ARID4A: variants seen among roughly 807,000 people sequenced by gnomAD.
ARID4A encodes the protein AT-rich interaction domain 4A, also known as AT-rich interactive domain-containing protein 4A.
Under a neutral mutation model 148.6 loss-of-function variants are expected in ARID4A, and 39 were observed. The observed-to-expected ratio is 0.26, with a 90% confidence interval of 0.20 to 0.34. ARID4A has a LOEUF of 0.34. Ranked by LOEUF, ARID4A falls within the 10% of genes least tolerant of loss-of-function variation. The probability of loss-of-function intolerance (pLI) is 1.00; values close to 1 mark genes in which losing one functional copy is unlikely to be tolerated. For missense variants in ARID4A, 1,265 were observed against 1,449.1 expected, an observed-to-expected ratio of 0.87 and a Z score of 2.06; for synonymous variants, 475 against 481.2, an observed-to-expected ratio of 0.99 and a Z score of 0.17.
Position 58,347,671 on chromosome 14 carries a change from C to T in ARID4A, c.1197C>T (p.Tyr399=), listed in dbSNP as rs752463940. 1.2e-6 allele frequency: 2 copies of T among 1,611,048 alleles called. No homozygotes were observed. Among genetic ancestry groups the T allele is most frequent in the African/African-American group, 2.7e-5 (2 of 74,878 alleles). ...GGTATCTCTATGGTTTTGAGGAGTACTGCCGTTCGGCAAATATTCAGTTCA... is the reference window on the plus strand; with the variant it reads ...GGTATCTCTATGGTTTTGAGGAGTATTGCCGTTCGGCAAATATTCAGTTCA... ...YRKYLYGFEE[Y]CRSANIQFRT... is the part of the protein sequence containing the mutation. The change falls in exon 15 of 24, where the codon TAC becomes TAT. Residue 399 remains tyrosine (Y), a synonymous_variant. Coordinates refer to ENST00000355431, the MANE Select transcript of ARID4A (RefSeq NM_002892.4).
intron 3 of ARID4A, among the ~76,000 whole-genome samples, chr14:58,303,002 C>T (rs2031307574): frequency 6.7e-6 from 1 of 148,390 alleles, no homozygotes; most frequent in Non-Finnish European, 1.5e-5. Flanking sequence ...TCTGAAATAA[C>T]TTTTTTTTTT....
intron 23 of ARID4A, among the ~76,000 whole-genome samples, chr14:58,371,632 A>C (rs761880743): frequency 8.5e-5 from 13 of 152,132 alleles, no homozygotes; most frequent in Non-Finnish European, 1.8e-4. Flanking sequence ...GAGGTTTAAG[A>C]GTTTTTGTCT....
chr14:58,339,682 CGTT>C (rs1050617973), intron 11 of ARID4A, among the ~76,000 whole-genome samples: 8 of 152,188 alleles, frequency 5.3e-5, no homozygotes, highest in Admixed American at 1.3e-4. Context: ...TCTGTTCTCA[CGTT>C]GTCATAAAGA....
At chr14:58,336,194 C>G (rs946078911) in intron 11 of ARID4A, among the ~76,000 whole-genome samples, 6 of 152,100 alleles carry the variant, frequency 3.9e-5, no homozygotes, top group African/African-American at 1.2e-4. Context: ...GTAATATTTA[C>G]TCAAGATTTA....
intron 17 of ARID4A, among the ~76,000 whole-genome samples, chr14:58,356,309 G>C (rs2034862914): frequency 6.6e-6 from 1 of 152,112 alleles, no homozygotes; most frequent in African/African-American, 2.4e-5. Flanking sequence ...GTTAGCCCTG[G>C]ATCAGGTACA....
Position 58,364,560 on chromosome 14 carries a change from A to T in ARID4A, c.2471A>T (p.Glu824Val). Residue 824 changes from glutamate (E) to valine (V), a missense_variant, in exon 20 of 24, where the codon GAA becomes GTA. Physicochemically the swap from Glu to Val is moderately radical, Grantham distance 121. Coordinates refer to ENST00000355431, the MANE Select transcript of ARID4A (RefSeq NM_002892.4). ...GAAGCAGGAAGTGAACCTCATATAG[A>T]AGCTCATAGTCTTGAATTGTCTTCA... ...QNEAGSEPHI[E>V]AHSLELSSLD... is the part of the protein sequence containing the mutation. The T allele has an allele frequency of 6.2e-7, 1 of 1,611,086 alleles. No individual in the cohort carries two copies. The highest frequency in any genetic ancestry group is 1.1e-5 in the South Asian group (1 of 90,078).
chr14:58,306,261 C>T, intron 5 of ARID4A, 149 bp downstream of exon 5: 1 of 532,206 alleles, frequency 1.9e-6, no homozygotes, highest in East Asian at 3.2e-5. Context: ...TCTAAGAATG[C>T]CCTGTAGGTA....
chr14:58,308,707 CA>C (rs998837957), intron 5 of ARID4A, among the ~76,000 whole-genome samples: 1 of 152,156 alleles, frequency 6.6e-6, no homozygotes. Context: ...ATTTTTCTTT[CA>C]GTGAGTACCT....
chr14:58,310,147 CATG>C (rs1266929611), intron 5 of ARID4A, among the ~76,000 whole-genome samples: 2 of 152,030 alleles, frequency 1.3e-5, no homozygotes, highest in Non-Finnish European at 2.9e-5. Context: ...TTAGTATTCC[CATG>C]ATATTTTCTT....
Position 58,351,226 on chromosome 14 carries a change from G to C in ARID4A, c.1558G>C (p.Gly520Arg), listed in dbSNP as rs1276498036. The change falls in exon 16 of 24, where the codon GGG becomes CGG. Residue 520 changes from glycine to arginine, a missense_variant. By Grantham distance (125) the Gly-to-Arg change is moderately radical. Around this residue, in one of 9 missense-constraint regions of ARID4A, gnomAD observed 205 missense variants for 196.9 expected, o/e 1.04. Coordinates refer to ENST00000355431, the MANE Select transcript of ARID4A (RefSeq NM_002892.4). ...GAAAAAAGAAAATGAGCTACTACTG[G>C]GGAGAAAAAATACACCAAAGCAAAA... is the stretch of plus-strand genomic sequence containing the variant. ...AEKKENELLL[G>R]RKNTPKQKEK... The C allele has an allele frequency of 1.6e-5, 25 of 1,612,578 alleles. No homozygotes were observed. The highest frequency in any genetic ancestry group is 2.1e-5 in the Non-Finnish European group (25 of 1,179,602).
intron 9 of ARID4A, 124 bp from the exon 10 acceptor site, chr14:58,329,404 A>G: frequency 1.5e-6 from 1 of 679,018 alleles, no homozygotes; most frequent in South Asian, 2.0e-5. Flanking sequence ...GGACTAAGAT[A>G]AAAACATTTT....
chr14:58,337,991 C>G (rs2033917242), intron 11 of ARID4A, among the ~76,000 whole-genome samples: 1 of 152,156 alleles, frequency 6.6e-6, no homozygotes, highest in South Asian at 2.1e-4. Context: ...TGATATGGGA[C>G]TTCTTATAGC....
At chr14:58,299,039 C>T (rs1442796305) in intron 1 of ARID4A, among the ~76,000 whole-genome samples, 2 of 152,198 alleles carry the variant, frequency 1.3e-5, no homozygotes, top group Admixed American at 6.5e-5. Context: ...TCCACCTCTG[C>T]GGAGTCCGTG....
intron 5 of ARID4A, among the ~76,000 whole-genome samples, chr14:58,306,857 C>T (rs368481487): frequency 6.6e-6 from 1 of 152,070 alleles, no homozygotes. Flanking sequence ...CCAGCCTGGG[C>T]GACAGAGTGA....
intron 11 of ARID4A, among the ~76,000 whole-genome samples, chr14:58,332,211 T>C (rs2033570247): frequency 6.6e-6 from 1 of 152,116 alleles, no homozygotes; most frequent in Non-Finnish European, 1.5e-5. Flanking sequence ...ACCTATTGTT[T>C]GCAGGTAATA....
chr14:58,359,742 G>A (rs373385569), intron 18 of ARID4A, among the ~76,000 whole-genome samples: 1 of 152,000 alleles, frequency 6.6e-6, no homozygotes, highest in African/African-American at 2.4e-5. Context: ...ATGCATATAC[G>A]ATATTGTGTT....
intron 7 of ARID4A, among the ~76,000 whole-genome samples, chr14:58,321,061 A>G (rs1360382900): frequency 6.6e-6 from 1 of 152,208 alleles, no homozygotes; most frequent in African/African-American, 2.4e-5. Flanking sequence ...AAGTATTATC[A>G]GTTTGTCCCA....
intron 11 of ARID4A, among the ~76,000 whole-genome samples, chr14:58,337,246 T>TTTTATATATATATATATATATATATA (rs1555361740): frequency 6.0e-5 from 5 of 83,816 alleles, no homozygotes; most frequent in Admixed American, 1.4e-4. Flanking sequence ...TTCTCTTTAT[T>TTTTATATATATATATATATATATATA]TATATATATA....
chr14:58,342,759 A>G (rs887534041), intron 11 of ARID4A, among the ~76,000 whole-genome samples: 2 of 152,154 alleles, frequency 1.3e-5, no homozygotes, highest in South Asian at 2.1e-4. Flanking sequence ...CTAAAAATAC[A>G]AAAATTAGCC....
Sources: gnomAD v4.1 joint callset for allele counts (sites outside exome capture counted in the v4.1 genomes callset) on GRCh38, gnomAD v4.1.1 for gene constraint, gnomAD v4.1.1 regional missense constraint, MANE v1.5 for transcripts, NCBI Gene and HGNC (gene_info 2026-07-23, HGNC 2026-07-21) for gene names.